Variants in QKI observed in about 807,000 individuals in gnomAD.
QKI encodes KH domain-containing RNA-binding protein QKI.
Under a neutral mutation model 39.0 loss-of-function variants are expected in QKI, and 10 were observed. The ratio of observed to expected loss-of-function variants is 0.26; its 90% CI spans 0.16 to 0.43. QKI has a LOEUF of 0.43. Among genes scored for constraint, QKI ranks in the 20% least tolerant of loss-of-function variants. The pLI is 1.00. For missense variants in QKI, 218 were observed against 428.0 expected, an observed-to-expected ratio of 0.51 and a Z score of 4.33; for synonymous variants, 204 against 155.4, an observed-to-expected ratio of 1.31 and a Z score of -2.33.
At chr6:163,535,237 T>G in intron 4 of QKI, 112 bp downstream of exon 4, 2 of 1,160,666 alleles carry the variant, frequency 1.7e-6, no homozygotes, top group Non-Finnish European at 2.3e-6. Context: ...GAAATTTTAT[T>G]TAAGCATAAA....
chr6:163,445,675 C>T (rs1249124439), intron 1 of QKI, among the ~76,000 whole-genome samples: 1 of 149,504 alleles, frequency 6.7e-6, no homozygotes, highest in African/African-American at 2.5e-5. Context: ...AGTGCAGGGG[C>T]ACCATCTCGG....
At chr6:163,562,364 C>T (rs1393602165) in intron 5 of QKI, among the ~76,000 whole-genome samples, 1 of 152,184 alleles carries the variant, frequency 6.6e-6, no homozygotes, top group Non-Finnish European at 1.5e-5. Flanking sequence ...TGGTTAACTA[C>T]AGATGTAGGG....
At chr6:163,508,863 G>A (rs77689739) in intron 3 of QKI, among the ~76,000 whole-genome samples, 20 of 151,898 alleles carry the variant, frequency 1.3e-4, no homozygotes, top group African/African-American at 4.8e-4. Flanking sequence ...TACTGGCCGG[G>A]CACGGTGGCT....
rs574289813 is a variant in QKI, at chr6:163,577,772, C to T, written c.*7062C>T. 6.6e-6 allele frequency: 1 copy of T among 152,228 alleles called. No homozygotes were observed. Among genetic ancestry groups the T allele is most frequent in the African/African-American group, 2.4e-5 (1 of 41,538 alleles). 9.4% of individuals were successfully genotyped at this position (152,228 alleles called of 1,614,324 possible). A position where few individuals can be genotyped will look rare whatever the true frequency, so the allele number is the denominator to read the frequency against. On this transcript the variant is annotated 3_prime_UTR_variant, in exon 8 of 8. Transcript: ENST00000361752. The stretch of plus-strand genomic sequence containing the variant: ...ACATAAAATCAGTTTTGATGTTTTT[C>T]CTCCTGAAAAATCAGATGAATATTT...
chr6:163,510,209 C>T (rs1779355073), intron 3 of QKI, among the ~76,000 whole-genome samples: 1 of 112,670 alleles, frequency 8.9e-6, no homozygotes, highest in Admixed American at 1.0e-4. Context: ...GAGCAAGACT[C>T]TATCTCAAAA....
At chr6:163,539,041 CA>C (rs1781362781) in intron 4 of QKI, among the ~76,000 whole-genome samples, 1 of 152,096 alleles carries the variant, frequency 6.6e-6, no homozygotes. Flanking sequence ...GTCATTAGAT[CA>C]AAAGCTTTTT....
intron 3 of QKI, among the ~76,000 whole-genome samples, chr6:163,520,345 A>G (rs922638068): frequency 9.2e-5 from 14 of 152,186 alleles, no homozygotes; most frequent in Admixed American, 8.5e-4. Context: ...AATGTATAGA[A>G]TATGTAAAAA....
At chr6:163,564,279 C>T in intron 6 of QKI, 1 of 1,003,824 alleles carries the variant, frequency 1.0e-6, no homozygotes, top group Non-Finnish European at 1.2e-6. Context: ...GCAGTTTCAT[C>T]ATTTGGTGTA....
intron 6 of QKI, 194 bp downstream of exon 6, chr6:163,563,913 C>G: frequency 7.1e-7 from 1 of 1,411,766 alleles, no homozygotes; most frequent in South Asian, 1.6e-5. Flanking sequence ...TAAATTTATT[C>G]AGATCCACTT....
At position 163,440,339 on chromosome 6, in the gene QKI, C is replaced by G. The variant is rs563638397; in HGVS notation, c.143-14940C>G. Reference sequence around the variant, plus strand: ...CTTTATGTGGTCTTTGGTGAAAGTACTTAATCCCCAAATCTCTCTTTCCTA... The same window carrying G: ...CTTTATGTGGTCTTTGGTGAAAGTAGTTAATCCCCAAATCTCTCTTTCCTA... On this transcript the variant is annotated intron_variant, in intron 1 of 7. Transcript: ENST00000361752. 2.2e-3 allele frequency among the ~76,000 whole-genome samples: 332 copies of G among 152,282 alleles called. 1 individual carries two copies. The highest frequency in any genetic ancestry group is 3.9e-3 in the Non-Finnish European group (263 of 68,008).
In QKI at chr6:163,478,774, T is replaced by C. The variant is rs774434105; in HGVS notation, c.286-6T>C. ...ATGTATAGTGATCCTTTTTTTTTTT[T>C]CTCAGTTTAATTTTGTTGGGAGAAT... On this transcript the variant is annotated splice_polypyrimidine_tract_variant and splice_region_variant and intron_variant, in intron 2 of 7. Transcript: ENST00000361752. 20 of 1,567,016 alleles carry C rather than the reference T, an allele frequency of 1.3e-5. No individual in the cohort carries two copies. Among genetic ancestry groups the C allele is most frequent in the South Asian group, 4.7e-5 (4 of 85,838 alleles).
chr6:163,557,640 C>T (rs1006359864), intron 4 of QKI, among the ~76,000 whole-genome samples: 2 of 151,848 alleles, frequency 1.3e-5, no homozygotes, highest in East Asian at 1.9e-4. Flanking sequence ...CTACAGTCAA[C>T]AATAATTTAT....
At chr6:163,532,633 C>A (rs1304457641) in intron 3 of QKI, among the ~76,000 whole-genome samples, 1 of 152,114 alleles carries the variant, frequency 6.6e-6, no homozygotes, top group Admixed American at 6.6e-5. Context: ...TGTCCCTTAC[C>A]CGTGGGGAAT....
chr6:163,524,948 G>A (rs903072247), intron 3 of QKI, among the ~76,000 whole-genome samples: 3 of 152,110 alleles, frequency 2.0e-5, no homozygotes, highest in Admixed American at 1.3e-4. Flanking sequence ...TGTCTCTTTT[G>A]TAGATGAGGA....
chr6:163,485,493 A>C (rs540058389), intron 3 of QKI, among the ~76,000 whole-genome samples: 1 of 152,286 alleles, frequency 6.6e-6, no homozygotes, highest in Admixed American at 6.5e-5. Context: ...CCCTTTGGGT[A>C]TATATATGCA....
chr6:163,480,275 C>CTCTT (rs961465982), intron 3 of QKI, among the ~76,000 whole-genome samples: 9 of 151,754 alleles, frequency 5.9e-5, no homozygotes, highest in African/African-American at 1.7e-4. Context: ...CTCTCTCTCT[C>CTCTT]TCTTTCTTCC....
chr6:163,527,571 A>G lies in QKI; in HGVS notation c.403-7411A>G, dbSNP rs1562514964. Among the ~76,000 whole-genome samples, 5 of 152,130 alleles carry G rather than the reference A, an allele frequency of 3.3e-5. No homozygotes were observed. The South Asian group carries it at 8.3e-4, about 25-fold the overall frequency. The stretch of plus-strand genomic sequence containing the variant: ...AGGGGTGGGACAATCAGTATACTCT[A>G]ATGCTTCATGTTATAGAATCCCTTT... On this transcript the variant is annotated intron_variant, in intron 3 of 7. Transcript: ENST00000361752.
chr6:163,466,058 C>T (rs865939453), intron 2 of QKI, among the ~76,000 whole-genome samples: 2 of 149,080 alleles, frequency 1.3e-5, no homozygotes, highest in Non-Finnish European at 3.0e-5. Flanking sequence ...CTGGGAGAGA[C>T]GGAGGCTGCA....
intron 4 of QKI, among the ~76,000 whole-genome samples, chr6:163,536,206 C>G (rs1781196866): frequency 6.6e-6 from 1 of 151,848 alleles, no homozygotes; most frequent in African/African-American, 2.4e-5. Flanking sequence ...AAACTAAAAT[C>G]TATATTTGTG....
Sources: allele counts gnomAD v4.1 joint callset (sites outside exome capture counted in the v4.1 genomes callset), GRCh38; gene constraint gnomAD v4.1.1; transcripts MANE v1.5; gene names NCBI Gene and HGNC (gene_info 2026-07-23, HGNC 2026-07-21).